The following CDK5RAP2 variants were observed in gnomAD, a reference collection of about 807,000 sequenced individuals.
The protein encoded by CDK5RAP2 is CDK5 regulatory subunit associated protein 2.
CDK5RAP2 carries 147 observed loss-of-function variants against 232.9 expected under a neutral mutation model. That is an observed-to-expected ratio of 0.63 (90% confidence interval 0.55 to 0.72). The LOEUF is 0.72. CDK5RAP2 is among the 30% of genes least tolerant of loss of function. The pLI is 0.00. For missense variants in CDK5RAP2, 2,195 were observed against 2,231.5 expected (o/e 0.98, Z 0.33); for synonymous variants, 833 against 833.7 (o/e 1.00, Z 0.01).
intron 11 of CDK5RAP2, among the ~76,000 whole-genome samples, chr9:120,520,811 A>ATATCTCATATATATCTCATGAGCTG (rs2040606354): frequency 1.5e-5 from 1 of 66,320 alleles, no homozygotes; most frequent in South Asian, 5.2e-4. Flanking sequence ...CTCATGAGAT[A>ATATCTCATATATATCTCATGAGCTG]TATCTCATAT....
chr9:120,528,953 C>T, intron 8 of CDK5RAP2, 156 bp from the exon 9 acceptor site: 1 of 666,346 alleles, frequency 1.5e-6, no homozygotes, highest in Admixed American at 2.2e-5. Flanking sequence ...CCACCCCACC[C>T]AAAGCCCTGC....
chr9:120,503,819 G>A (rs961990197), intron 12 of CDK5RAP2, among the ~76,000 whole-genome samples: 15 of 151,880 alleles, frequency 9.9e-5, no homozygotes, highest in African/African-American at 2.9e-4. Flanking sequence ...CTCACTACCC[G>A]GTTTCCTCAC....
At chr9:120,528,456 C>A (rs1316843509) in intron 9 of CDK5RAP2, among the ~76,000 whole-genome samples, 1 of 152,208 alleles carries the variant, frequency 6.6e-6, no homozygotes, top group Admixed American at 6.5e-5. Flanking sequence ...GGCACATGGG[C>A]AGGTCCAAAT....
chr9:120,406,120 G>A (rs2033418310), intron 32 of CDK5RAP2: 3 of 152,150 alleles, frequency 2.0e-5, no homozygotes, highest in Non-Finnish European at 4.4e-5. Flanking sequence ...GGACTGACCA[G>A]GTGCTCCTTA....
Position 120,526,411 on chromosome 9 carries a change from A to G in CDK5RAP2, c.1000-1333T>C, listed in dbSNP as rs149168908. 3.3e-3 allele frequency among the ~76,000 whole-genome samples: 507 copies of G among 152,324 alleles called. 6 individuals carry two copies. Among genetic ancestry groups the G allele is most frequent in the African/African-American group, 0.011 (477 of 41,562 alleles). ...CTCTAGTCATGCAAGCCAGACACCT[A>G]GAAGTCTTCCTTCACTATGCTTCTC... On this transcript the variant is annotated intron_variant, in intron 10 of 37. Coordinates refer to ENST00000349780, the MANE Select transcript of CDK5RAP2 (RefSeq NM_018249.6).
chr9:120,492,669 TG>T (rs2038966704), intron 12 of CDK5RAP2, among the ~76,000 whole-genome samples: 1 of 152,200 alleles, frequency 6.6e-6, no homozygotes, highest in Non-Finnish European at 1.5e-5. Context: ...ACATCCCTAG[TG>T]GGATATTTCT....
At chr9:120,551,176 TAAG>T (rs1320077176) in intron 3 of CDK5RAP2, among the ~76,000 whole-genome samples, 3 of 151,926 alleles carry the variant, frequency 2.0e-5, no homozygotes, top group East Asian at 1.9e-4. Context: ...ACACTGATAA[TAAG>T]AAGAAAAGGA....
intron 25 of CDK5RAP2, among the ~76,000 whole-genome samples, chr9:120,427,576 TG>T (rs1225472018): frequency 6.6e-6 from 1 of 152,048 alleles, no homozygotes; most frequent in Non-Finnish European, 1.5e-5. Flanking sequence ...GAATATCAAG[TG>T]CAAGCTATAA....
intron 35 of CDK5RAP2, among the ~76,000 whole-genome samples, chr9:120,396,990 C>A (rs1349990379): frequency 2.0e-5 from 3 of 152,200 alleles, no homozygotes; most frequent in Non-Finnish European, 4.4e-5. Flanking sequence ...CAGCTAACTC[C>A]CTCAAGATTT....
In CDK5RAP2 at chr9:120,402,936, T is replaced by A. The variant is rs373833490; in HGVS notation, c.5177A>T (p.His1726Leu). Residue 1726 changes from histidine to leucine, a missense_variant, in exon 34 of 38, where the codon CAT becomes CTT. Coordinates refer to ENST00000349780, the MANE Select transcript of CDK5RAP2 (RefSeq NM_018249.6). Reference protein sequence around the residue: ...HHLWASKNGRHVLGLIEDYEA... With the variant: ...HHLWASKNGRLVLGLIEDYEA... Reference sequence around the variant, plus strand: ...ATAGTCCTCAATCAGGCCCAGGACATGGCGGCCATTCTTGCTGGCCCACAG... The same window carrying A: ...ATAGTCCTCAATCAGGCCCAGGACAAGGCGGCCATTCTTGCTGGCCCACAG... 2 of 1,614,194 alleles carry A rather than the reference T, an allele frequency of 1.2e-6. No homozygotes were observed. Among genetic ancestry groups the A allele is most frequent in the Non-Finnish European group, 1.7e-6 (2 of 1,180,042 alleles).
chr9:120,514,769 T>C (rs940676518), intron 12 of CDK5RAP2, among the ~76,000 whole-genome samples: 2 of 152,160 alleles, frequency 1.3e-5, no homozygotes, highest in African/African-American at 4.8e-5. Flanking sequence ...CCCTGCCCTA[T>C]TGCCATCATA....
At chr9:120,567,867 C>G (rs972376424) in intron 3 of CDK5RAP2, among the ~76,000 whole-genome samples, 6 of 152,186 alleles carry the variant, frequency 3.9e-5, no homozygotes, top group Admixed American at 2.6e-4. Context: ...ACAACTCTCT[C>G]CTAGTCTTAA....
intron 1 of CDK5RAP2, among the ~76,000 whole-genome samples, chr9:120,576,122 A>G (rs752953946): frequency 1.3e-5 from 2 of 152,182 alleles, no homozygotes; most frequent in African/African-American, 2.4e-5. Context: ...ATACTTTTGA[A>G]AGGATGTGTA....
chr9:120,477,397 CTCT>C lies in CDK5RAP2; in HGVS notation c.1677_1679del (p.Glu560del), dbSNP rs2038073556. ...TGACCAGATGGGTATAGATGTCCTG[CTCT>C]TTCTTTAAGACCTGAATCAGCTCTT... On this transcript the variant is annotated inframe_deletion, in exon 15 of 38. Transcript: ENST00000349780. The C allele has an allele frequency of 6.2e-7, 1 of 1,613,922 alleles. No individual in the cohort carries two copies. The highest frequency in any genetic ancestry group is 1.3e-5 in the African/African-American group (1 of 74,950).
At chr9:120,393,950 G>A (rs1311744496) in intron 36 of CDK5RAP2, among the ~76,000 whole-genome samples, 3 of 152,130 alleles carry the variant, frequency 2.0e-5, no homozygotes, top group South Asian at 4.1e-4. Flanking sequence ...CCAATCCTCT[G>A]CCCTGAGCCT....
At chr9:120,466,120 C>T (rs575832748) in intron 18 of CDK5RAP2, among the ~76,000 whole-genome samples, 69 of 152,274 alleles carry the variant, frequency 4.5e-4, no homozygotes, top group African/African-American at 1.5e-3. Context: ...TTCCCCCCTC[C>T]TTTTCTGATT....
chr9:120,475,925 G>A (rs140371949), intron 15 of CDK5RAP2, among the ~76,000 whole-genome samples: 1 of 152,298 alleles, frequency 6.6e-6, no homozygotes, highest in Non-Finnish European at 1.5e-5. Context: ...GCTACAGAAG[G>A]TGACCTCCCC....
intron 3 of CDK5RAP2, among the ~76,000 whole-genome samples, chr9:120,558,144 G>A (rs1487890321): frequency 6.8e-6 from 1 of 146,800 alleles, no homozygotes; most frequent in African/African-American, 2.5e-5. Flanking sequence ...GGAGGCCGAG[G>A]CAGGCAGATC....
At chr9:120,456,512 C>T (rs981567070) in intron 20 of CDK5RAP2, among the ~76,000 whole-genome samples, 1 of 152,148 alleles carries the variant, frequency 6.6e-6, no homozygotes, top group African/African-American at 2.4e-5. Context: ...GAGTCAACTC[C>T]ATTTAAATAG....
Sources: allele counts gnomAD v4.1 joint callset (sites outside exome capture counted in the v4.1 genomes callset), GRCh38; gene constraint gnomAD v4.1.1; transcripts MANE v1.5; gene names NCBI Gene and HGNC (gene_info 2026-07-23, HGNC 2026-07-21).